The following FGF14 variants were observed in gnomAD, a reference collection of about 807,000 sequenced individuals.
FGF14 encodes the protein fibroblast growth factor 14, also known as fibroblast growth factor homologous factor 4.
FGF14 carries 5 observed loss-of-function variants against 25.5 expected under a neutral mutation model. The ratio of observed to expected loss-of-function variants is 0.20; its 90% CI spans 0.10 to 0.41. The LOEUF (loss-of-function observed/expected upper bound fraction) is 0.41, where lower values mean the gene tolerates loss of function less well. Ranked by LOEUF, FGF14 falls within the 10% of genes least tolerant of loss-of-function variation. The pLI, the probability that FGF14 is intolerant of heterozygous loss-of-function variation, is 1.00. For synonymous variants in FGF14, 138 were observed against 118.3 expected (o/e 1.17, Z -1.08); for missense variants, 222 against 320.1 (o/e 0.69, Z 2.34).
In FGF14 at chr13:102,127,524, A is replaced by G. The variant is rs1271944550; in HGVS notation, c.209-252228T>C. Among the ~76,000 whole-genome samples the G allele has an allele frequency of 4.6e-5, 7 of 152,362 alleles. No individual in the cohort carries two copies. The East Asian group carries it at 1.3e-3, about 29-fold the overall frequency. The stretch of plus-strand genomic sequence containing the variant: ...CTGTAAGAGTTATCTATCATAAGGA[A>G]GAAAATCAGATGCAAAGAGGATTTG... On this transcript the variant is annotated intron_variant, in intron 1 of 4. Transcript: ENST00000376131.
chr13:102,390,158 A>G (rs1459797346), intron 1 of FGF14, among the ~76,000 whole-genome samples: 2 of 152,212 alleles, frequency 1.3e-5, no homozygotes, highest in East Asian at 3.8e-4. Flanking sequence ...GGGGAGAGAA[A>G]TCAGAATGGC....
intron 1 of FGF14, among the ~76,000 whole-genome samples, chr13:102,266,524 C>A (rs1217485021): frequency 1.3e-5 from 2 of 151,954 alleles, no homozygotes; most frequent in Non-Finnish European, 2.9e-5. Flanking sequence ...GAGAAAGAAG[C>A]AAAGATCAGA....
intron 3 of FGF14, among the ~76,000 whole-genome samples, chr13:101,815,887 G>A (rs1023847367): frequency 6.6e-6 from 1 of 152,118 alleles, no homozygotes; most frequent in Non-Finnish European, 1.5e-5. Context: ...GAAGGAATAA[G>A]CCCTCTTAGC....
intron 1 of FGF14, among the ~76,000 whole-genome samples, chr13:102,272,235 T>C (rs1481819754): frequency 1.3e-5 from 2 of 152,180 alleles, no homozygotes; most frequent in Admixed American, 1.3e-4. Flanking sequence ...TGCTTTTTAT[T>C]ATCATGAAAT....
chr13:102,018,693 T>C (rs2040476244), intron 1 of FGF14, among the ~76,000 whole-genome samples: 1 of 152,058 alleles, frequency 6.6e-6, no homozygotes, highest in South Asian at 2.1e-4. Flanking sequence ...TCCATCGCCC[T>C]CCATCCCTGA....
At chr13:102,376,920 A>G (rs1190117434) in intron 1 of FGF14, among the ~76,000 whole-genome samples, 1 of 152,204 alleles carries the variant, frequency 6.6e-6, no homozygotes, top group African/African-American at 2.4e-5. Flanking sequence ...CATGGGCACC[A>G]AGTGTGAGGA....
At chr13:101,911,041 C>T (rs1035469605) in intron 1 of FGF14, among the ~76,000 whole-genome samples, 2 of 151,804 alleles carry the variant, frequency 1.3e-5, no homozygotes, top group Non-Finnish European at 2.9e-5. Context: ...AATTCCATAA[C>T]TAAGTGGATA....
intron 1 of FGF14, among the ~76,000 whole-genome samples, chr13:101,989,266 A>G (rs1326556549): frequency 6.6e-6 from 1 of 152,088 alleles, no homozygotes; most frequent in African/African-American, 2.4e-5. Flanking sequence ...AAAAGTTACA[A>G]TTTTGATTTG....
At chr13:101,957,771 T>C (rs1449049032) in intron 1 of FGF14, among the ~76,000 whole-genome samples, 1 of 152,128 alleles carries the variant, frequency 6.6e-6, no homozygotes, top group African/African-American at 2.4e-5. Flanking sequence ...CAAACACATA[T>C]GAGACTCAAC....
intron 3 of FGF14, among the ~76,000 whole-genome samples, chr13:101,836,290 C>T (rs2042924642): frequency 6.6e-6 from 1 of 152,058 alleles, no homozygotes; most frequent in African/African-American, 2.4e-5. Context: ...TGTATGCTCT[C>T]ATTTTCCTCC....
intron 1 of FGF14, among the ~76,000 whole-genome samples, chr13:101,985,805 GC>G (rs2038543268): frequency 6.6e-6 from 1 of 152,012 alleles, no homozygotes; most frequent in Non-Finnish European, 1.5e-5. Context: ...CTTTGATGCA[GC>G]TTAAATATTT....
intron 3 of FGF14, among the ~76,000 whole-genome samples, chr13:101,781,890 A>AC (rs1302097502): frequency 6.6e-6 from 1 of 152,248 alleles, no homozygotes; most frequent in Non-Finnish European, 1.5e-5. Flanking sequence ...CAAAGAGCCA[A>AC]ACCAGCAATT....
intron 3 of FGF14, among the ~76,000 whole-genome samples, chr13:101,749,677 G>C (rs1280757441): frequency 6.6e-6 from 1 of 152,044 alleles, no homozygotes; most frequent in Non-Finnish European, 1.5e-5. Flanking sequence ...TTGGAGTTTA[G>C]CAAATGTTGC....
intron 3 of FGF14, among the ~76,000 whole-genome samples, chr13:101,774,443 C>T (rs142989503): frequency 0.022 from 3,294 of 152,192 alleles, 56 homozygotes; most frequent in Middle Eastern, 0.034. Context: ...GGATAATGAA[C>T]TAATCTTGAA....
rs189262921 is a variant in FGF14, at chr13:101,725,946, A to G, written c.607+666T>C. ...GCTCTTTGGGTATCTGATTGGAGTAAATGTGAAATTTCCATTCATCCGGCA... is the reference window on the plus strand; with the variant it reads ...GCTCTTTGGGTATCTGATTGGAGTAGATGTGAAATTTCCATTCATCCGGCA... On this transcript the variant is annotated intron_variant, in intron 4 of 4. Transcript: ENST00000376143. Among the ~76,000 whole-genome samples, 1,379 of 152,132 alleles carry G rather than the reference A, an allele frequency of 9.1e-3. 9 individuals carry two copies. Among genetic ancestry groups the G allele is most frequent in the Non-Finnish European group, 0.014 (977 of 67,964 alleles).
At chr13:102,293,611 G>A (rs1206413937) in intron 1 of FGF14, 1 of 152,156 alleles carries the variant, frequency 6.6e-6, no homozygotes, top group Non-Finnish European at 1.5e-5. Flanking sequence ...TTTGAGAAAA[G>A]AGAAAAGAAG....
intron 3 of FGF14, among the ~76,000 whole-genome samples, chr13:101,791,795 A>T (rs1160485565): frequency 6.6e-6 from 1 of 152,130 alleles, no homozygotes; most frequent in African/African-American, 2.4e-5. Context: ...GTGTCTAAAA[A>T]ATTTGTGAGC....
intron 1 of FGF14, among the ~76,000 whole-genome samples, chr13:102,272,039 C>A (rs1304868009): frequency 6.6e-6 from 1 of 152,162 alleles, no homozygotes; most frequent in African/African-American, 2.4e-5. Context: ...TACTCAGACT[C>A]CTTAGCCTGT....
intron 1 of FGF14, among the ~76,000 whole-genome samples, chr13:102,360,156 C>T (rs1421295532): frequency 6.6e-6 from 1 of 152,188 alleles, no homozygotes; most frequent in Non-Finnish European, 1.5e-5. Flanking sequence ...CTTAAAGCCA[C>T]TATCTTGGCA....
Sources: allele counts gnomAD v4.1 joint callset (sites outside exome capture counted in the v4.1 genomes callset), GRCh38; gene constraint gnomAD v4.1.1; transcripts MANE v1.5; gene names NCBI Gene and HGNC (gene_info 2026-07-23, HGNC 2026-07-21).